The following SYCE1L variants were observed in gnomAD, a reference collection of about 807,000 sequenced individuals.
SYCE1L encodes synaptonemal complex central element protein 1-like.
Under a neutral mutation model 39.6 loss-of-function variants are expected in SYCE1L, and 51 were observed. That is an observed-to-expected ratio of 1.29 (90% CI 1.03 to 1.63). The LOEUF is 1.63. Among genes scored for constraint, SYCE1L ranks in the 40% most tolerant of loss-of-function variants. The pLI is 0.00. For synonymous variants in SYCE1L, 147 were observed against 122.4 expected, an observed-to-expected ratio of 1.20 and a Z score of -1.33; for missense variants, 426 against 304.9, an observed-to-expected ratio of 1.40 and a Z score of -2.96.
intron 2 of SYCE1L, among the ~76,000 whole-genome samples, chr16:77,207,559 T>A (rs1411180509): frequency 6.6e-6 from 1 of 152,068 alleles, no homozygotes; most frequent in Non-Finnish European, 1.5e-5. Flanking sequence ...ACTGACAGAG[T>A]GACAACCCTT....
In SYCE1L at chr16:77,213,046, G is replaced by A. The variant is rs2054838080; in HGVS notation, c.*115G>A. 2.7e-6 allele frequency: 3 copies of A among 1,128,670 alleles called. No individual in the cohort carries two copies. Among genetic ancestry groups the A allele is most frequent in the South Asian group, 5.4e-5 (2 of 37,312 alleles). 69.9% of individuals were successfully genotyped at this position (1,128,670 alleles called of 1,614,324 possible). A position where few individuals can be genotyped will look rare whatever the true frequency, so the allele number is the denominator to read the frequency against. ...GAGTCTGTGCTACACCGTGGAGCGG[G>A]GCGGGGCGTGCTGGGATCTCGAGGC... On this transcript the variant is annotated 3_prime_UTR_variant, in exon 11 of 11. Coordinates refer to ENST00000378644, the MANE Select transcript of SYCE1L (RefSeq NM_001129979.3).
At chr16:77,212,067 GAGGGGCGGGCCGT>G (rs1258697724) in intron 7 of SYCE1L, 50 bp from the exon 8 acceptor site, 22 of 1,495,236 alleles carry the variant, frequency 1.5e-5, no homozygotes, top group Non-Finnish European at 2.0e-5. Flanking sequence ...CACAAAAGGG[GAGGGGCGGGCCGT>G]GTAGCCAAGA....
rs974652035 is a variant in SYCE1L, at chr16:77,212,852, G to A, written c.655-5G>A. ...TGGTCCGCAGCCTCACCCAGCCCCC[G>A]GCAGGCCGGACCTGAGCTCCCCCGC... On this transcript the variant is annotated splice_region_variant and splice_polypyrimidine_tract_variant and intron_variant, in intron 10 of 10. Coordinates refer to ENST00000378644, the MANE Select transcript of SYCE1L (RefSeq NM_001129979.3). 6.7e-7 allele frequency: 1 copy of A among 1,494,880 alleles called. No individual in the cohort carries two copies. Among genetic ancestry groups the A allele is most frequent in the Non-Finnish European group, 8.9e-7 (1 of 1,123,662 alleles). The allele number at this position is 1,494,880 out of a possible 1,614,324, so 92.6% of individuals were successfully genotyped here.
intron 6 of SYCE1L, among the ~76,000 whole-genome samples, chr16:77,209,763 T>G (rs1440779646): frequency 6.6e-6 from 1 of 152,246 alleles, no homozygotes; most frequent in Non-Finnish European, 1.5e-5. Context: ...TCCATTCACT[T>G]GCTTATTTGC....
intron 3 of SYCE1L, 42 bp downstream of exon 3, chr16:77,208,311 A>C: frequency 1.3e-6 from 2 of 1,549,072 alleles, no homozygotes; most frequent in Non-Finnish European, 1.7e-6. Flanking sequence ...GGCGAGCAGG[A>C]AGTGACTGGA....
At chr16:77,206,706 C>T (rs1427409932) in intron 2 of SYCE1L, among the ~76,000 whole-genome samples, 3 of 151,980 alleles carry the variant, frequency 2.0e-5, no homozygotes, top group South Asian at 2.1e-4. Context: ...CCAGTTCCCC[C>T]GCCATCCCTA....
At chr16:77,207,697 C>A (rs555904691) in intron 2 of SYCE1L, among the ~76,000 whole-genome samples, 1 of 152,296 alleles carries the variant, frequency 6.6e-6, no homozygotes, top group East Asian at 1.9e-4. Flanking sequence ...CCACTTCCCC[C>A]ACCTTACTTT....
At chr16:77,200,746 C>CAAAAAA (rs11344903) in intron 1 of SYCE1L, 204 of 83,558 alleles carry the variant, frequency 2.4e-3, no homozygotes, top group Middle Eastern at 0.013. Context: ...ACAGAGTGAG[C>CAAAAAA]AAAAAAAAAA....
intron 4 of SYCE1L, 44 bp downstream of exon 4, chr16:77,208,583 C>G: frequency 1.3e-6 from 2 of 1,535,896 alleles, no homozygotes; most frequent in Non-Finnish European, 1.8e-6. Context: ...TGCAGATGTT[C>G]CTGTGCATAC....
In SYCE1L at chr16:77,212,741, G is replaced by A. The variant is rs965255995; in HGVS notation, c.654+95G>A. The A allele has an allele frequency of 3.5e-6, 5 of 1,433,638 alleles. No homozygotes were observed. The East Asian group carries it at 1.0e-4, about 30-fold the overall frequency. 88.8% of individuals were successfully genotyped at this position (1,433,638 alleles called of 1,614,324 possible). A position where few individuals can be genotyped will look rare whatever the true frequency, so the allele number is the denominator to read the frequency against. ...GGAGCGGCCCCCGAGAGTGGGGTCT[G>A]TGGGGAGCAGGGCGGCCCCGGGGAC... On this transcript the variant is annotated intron_variant, in intron 10 of 10. Transcript: ENST00000378644.
chr16:77,205,433 A>AATATATATATATATATATGTATATATAT (rs145238524), intron 1 of SYCE1L, among the ~76,000 whole-genome samples: 3 of 145,262 alleles, frequency 2.1e-5, no homozygotes, highest in Admixed American at 1.4e-4. Flanking sequence ...CATAGAAGTA[A>AATATATATATATATATATGTATATATAT]ATATATATAT....
At position 77,208,239 on chromosome 16, in the gene SYCE1L, C is replaced by T; in HGVS notation, c.151C>T (p.Leu51=). The change falls in exon 3 of 11, where the codon CTG becomes TTG. Residue 51 remains leucine, a synonymous_variant. Coordinates refer to ENST00000378644, the MANE Select transcript of SYCE1L (RefSeq NM_001129979.3). ...EGSLEPQIED[L]ISRINDLQQA... ...AAGCCTGGAGCCACAGATAGAGGAC[C>T]TGATTAGCCGGATTAATGATCTTCA... The T allele has an allele frequency of 6.4e-7, 1 of 1,551,664 alleles. No homozygotes were observed. Among genetic ancestry groups the T allele is most frequent in the Non-Finnish European group, 8.7e-7 (1 of 1,146,994 alleles).
chr16:77,209,080 G>T lies in SYCE1L; in HGVS notation c.257-17G>T. Reference sequence around the variant, plus strand: ...AATGGGGTGCCTGGAGGCAGAAAGTGTCATTGTGTTTTCCAGTGAATGGAG... The same window carrying T: ...AATGGGGTGCCTGGAGGCAGAAAGTTTCATTGTGTTTTCCAGTGAATGGAG... On this transcript the variant is annotated splice_polypyrimidine_tract_variant and intron_variant, in intron 4 of 10. Transcript: ENST00000378644. 4 of 1,551,718 alleles carry T rather than the reference G, an allele frequency of 2.6e-6. No individual in the cohort carries two copies. Among genetic ancestry groups the T allele is most frequent in the Non-Finnish European group, 3.5e-6 (4 of 1,146,990 alleles).
At chr16:77,212,410 A>T in intron 9 of SYCE1L, 41 bp downstream of exon 9, 2 of 1,527,750 alleles carry the variant, frequency 1.3e-6, no homozygotes, top group Non-Finnish European at 1.8e-6. Flanking sequence ...GGGCAGGGGC[A>T]GGGCGGAGGG....
chr16:77,203,917 T>C (rs1244275493), intron 1 of SYCE1L, among the ~76,000 whole-genome samples: 1 of 152,096 alleles, frequency 6.6e-6, no homozygotes, highest in Non-Finnish European at 1.5e-5. Flanking sequence ...TTTAAAATTA[T>C]AAGCAGTGAA....
At chr16:77,212,404 A>AG (rs1270087501) in intron 9 of SYCE1L, 35 bp downstream of exon 9, 1 of 1,526,584 alleles carries the variant, frequency 6.6e-7, no homozygotes, top group Admixed American at 2.2e-5. Context: ...CGAGGAGGGC[A>AG]GGGGCAGGGC....
rs1265055700 is a variant in SYCE1L at position 77,212,370 on chromosome 16, G to A, written c.581+1G>A. On this transcript the variant is annotated splice_donor_variant, in intron 9 of 10. Coordinates refer to ENST00000378644, the MANE Select transcript of SYCE1L (RefSeq NM_001129979.3). LOFTEE classifies it high-confidence loss of function. ...AGGGCGCCATGGCGGTGAATGACGG[G>A]TGAGAGGGGAAGGGAGGAGTGGGCG... 1.3e-6 allele frequency: 2 copies of A among 1,529,156 alleles called. No individual in the cohort carries two copies. The highest frequency in any genetic ancestry group is 2.2e-5 in the Admixed American group (1 of 45,764). The allele number at this position is 1,529,156 out of a possible 1,614,324, so 94.7% of individuals were successfully genotyped here. A position where few individuals can be genotyped will look rare whatever the true frequency, so the allele number is the denominator to read the frequency against.
Position 77,212,966 on chromosome 16 carries a change from G to T in SYCE1L, c.*35G>T. ...ACCCGCCCGTTCCCGACCTTCCCTC[G>T]AGACCCGCCAAGAAATAAAGGCGAT... is the stretch of plus-strand genomic sequence containing the variant. On this transcript the variant is annotated 3_prime_UTR_variant, in exon 11 of 11. Transcript: ENST00000378644. 6.8e-7 allele frequency: 1 copy of T among 1,463,006 alleles called. No homozygotes were observed. The highest frequency in any genetic ancestry group is 9.1e-7 in the Non-Finnish European group (1 of 1,102,574). 90.6% of individuals were successfully genotyped at this position (1,463,006 alleles called of 1,614,324 possible). A position where few individuals can be genotyped will look rare whatever the true frequency, so the allele number is the denominator to read the frequency against.
intron 1 of SYCE1L, chr16:77,200,291 T>TATATACATATATATATATATAC: frequency 7.2e-5 from 8 of 111,428 alleles, no homozygotes; most frequent in East Asian, 2.2e-4. Flanking sequence ...TATATATATA[T>TATATACATATATATATATATAC]ACACACACTA....
Sources: allele counts gnomAD v4.1 joint callset (sites outside exome capture counted in the v4.1 genomes callset), GRCh38; gene constraint gnomAD v4.1.1; transcripts MANE v1.5; gene names NCBI Gene and HGNC (gene_info 2026-07-23, HGNC 2026-07-21).